Variants in STX8 observed in about 807,000 individuals in gnomAD.
The protein encoded by STX8 is syntaxin 8, also known as syntaxin-8.
STX8 carries 23 observed loss-of-function variants against 37.5 expected under a neutral mutation model. The ratio of observed to expected loss-of-function variants is 0.61; its 90% CI spans 0.44 to 0.87. The LOEUF (loss-of-function observed/expected upper bound fraction) is 0.87, where lower values mean the gene tolerates loss of function less well. STX8 is among the 40% of genes least tolerant of loss of function. STX8 has a pLI of 0.00. For missense variants in STX8, 313 were observed against 284.7 expected, an observed-to-expected ratio of 1.10 and a Z score of -0.71; for synonymous variants, 115 against 99.1, an observed-to-expected ratio of 1.16 and a Z score of -0.95.
intron 6 of STX8, among the ~76,000 whole-genome samples, chr17:9,426,526 T>C (rs969021349): frequency 6.6e-6 from 1 of 151,196 alleles, no homozygotes; most frequent in Non-Finnish European, 1.5e-5. Context: ...AACTCCATCT[T>C]GAAAACAATA....
At position 9,276,568 on chromosome 17, in the gene STX8, A is replaced by G. The variant is rs574578947; in HGVS notation, c.644-25923T>C. On this transcript the variant is annotated intron_variant, in intron 7 of 7. Transcript: ENST00000306357. The stretch of plus-strand genomic sequence containing the variant: ...CTTTTAGGCCACTGTTGAGATATCT[A>G]AGACATCAACAAAATTAGTTTTTTG... 5.9e-5 allele frequency among the ~76,000 whole-genome samples: 9 copies of G among 152,138 alleles called. No homozygotes were observed. The South Asian group carries it at 1.9e-3, about 32-fold the overall frequency.
chr17:9,492,009 G>T (rs1906872654), intron 5 of STX8, 88 bp from the exon 6 acceptor site: 2 of 876,608 alleles, frequency 2.3e-6, no homozygotes, highest in Admixed American at 2.8e-5. Context: ...AACACAAGTT[G>T]ACATATAAAT....
At chr17:9,539,655 C>A (rs931706511) in intron 4 of STX8, among the ~76,000 whole-genome samples, 2 of 141,886 alleles carry the variant, frequency 1.4e-5, no homozygotes, top group Non-Finnish European at 3.1e-5. Flanking sequence ...GACAAAGCAA[C>A]CCAACTGACC....
At chr17:9,421,325 G>T (rs1913418529) in intron 6 of STX8, among the ~76,000 whole-genome samples, 1 of 144,714 alleles carries the variant, frequency 6.9e-6, no homozygotes, top group Non-Finnish European at 1.5e-5. Context: ...CCGCGAGGCA[G>T]AGGTTGCAGT....
chr17:9,367,813 C>G (rs528912419), intron 7 of STX8, among the ~76,000 whole-genome samples: 1 of 152,238 alleles, frequency 6.6e-6, no homozygotes, highest in East Asian at 1.9e-4. Flanking sequence ...TCACTGCAAC[C>G]TCCACCTTCT....
chr17:9,340,173 G>A (rs1490882779), intron 7 of STX8, among the ~76,000 whole-genome samples: 1 of 152,204 alleles, frequency 6.6e-6, no homozygotes, highest in Non-Finnish European at 1.5e-5. Context: ...AACACCTGCC[G>A]AGGCCAGTAA....
chr17:9,468,282 G>T (rs1905704230), intron 6 of STX8, among the ~76,000 whole-genome samples: 1 of 152,008 alleles, frequency 6.6e-6, no homozygotes, highest in Non-Finnish European at 1.5e-5. Flanking sequence ...GCTAATTTTT[G>T]TATTTTTAGT....
chr17:9,265,654 A>G lies in STX8; in HGVS notation c.644-15009T>C, dbSNP rs182935268. 1.2e-4 allele frequency among the ~76,000 whole-genome samples: 19 copies of G among 152,352 alleles called. No individual in the cohort carries two copies. The East Asian group carries it at 3.3e-3, about 26-fold the overall frequency. On this transcript the variant is annotated intron_variant, in intron 7 of 7. Transcript: ENST00000306357. ...TTGGGAAAGCAGAAATAACACTGATATCCTCTGTGTCCTGCATCTCTGTTG... is the reference window on the plus strand; with the variant it reads ...TTGGGAAAGCAGAAATAACACTGATGTCCTCTGTGTCCTGCATCTCTGTTG...
At chr17:9,360,375 C>T (rs748501695) in intron 7 of STX8, among the ~76,000 whole-genome samples, 2 of 151,634 alleles carry the variant, frequency 1.3e-5, no homozygotes, top group Admixed American at 6.6e-5. Flanking sequence ...GCTGGGATTA[C>T]AGTCGTGCAC....
chr17:9,566,463 C>T (rs1277751832), intron 2 of STX8, among the ~76,000 whole-genome samples: 7 of 152,146 alleles, frequency 4.6e-5, no homozygotes, highest in Non-Finnish European at 1.0e-4. Context: ...GGTATATCCC[C>T]GAAGGAATAG....
intron 6 of STX8, among the ~76,000 whole-genome samples, chr17:9,430,399 C>T (rs1913914012): frequency 6.6e-6 from 1 of 150,672 alleles, no homozygotes; most frequent in Admixed American, 6.7e-5. Flanking sequence ...CCCCTAGCCT[C>T]GGTAACCTCT....
Position 9,262,702 on chromosome 17 carries a change from C to T in STX8, c.644-12057G>A, listed in dbSNP as rs138383275. Among the ~76,000 whole-genome samples the T allele has an allele frequency of 2.0e-3, 298 of 152,142 alleles. 1 individual carries two copies. Among genetic ancestry groups the T allele is most frequent in the African/African-American group, 6.9e-3 (285 of 41,506 alleles). ...GTTCAAGCAATTCTCCTGCCTCAGCCTCCCGAGTAGCTGGGACTACAGGTG... is the reference window on the plus strand; with the variant it reads ...GTTCAAGCAATTCTCCTGCCTCAGCTTCCCGAGTAGCTGGGACTACAGGTG... On this transcript the variant is annotated intron_variant, in intron 7 of 7. Transcript: ENST00000306357.
chr17:9,291,619 T>C (rs1205000252), intron 7 of STX8, among the ~76,000 whole-genome samples: 1 of 152,198 alleles, frequency 6.6e-6, no homozygotes, highest in African/African-American at 2.4e-5. Flanking sequence ...CGTTCTCTTC[T>C]ACATGTAAAC....
intron 4 of STX8, among the ~76,000 whole-genome samples, chr17:9,510,329 A>G (rs970391900): frequency 6.6e-6 from 1 of 152,210 alleles, no homozygotes; most frequent in African/African-American, 2.4e-5. Flanking sequence ...TACAGAATAT[A>G]CATTCTTGTC....
intron 6 of STX8, among the ~76,000 whole-genome samples, chr17:9,429,328 AT>A (rs1373194585): frequency 6.8e-6 from 1 of 146,270 alleles, no homozygotes; most frequent in Non-Finnish European, 1.5e-5. Flanking sequence ...TTTATTATAT[AT>A]TTTATATACA....
intron 7 of STX8, among the ~76,000 whole-genome samples, chr17:9,316,904 C>T (rs987334937): frequency 2.6e-5 from 4 of 152,122 alleles, no homozygotes; most frequent in African/African-American, 4.8e-5. Context: ...AATTGGTATC[C>T]GCCAGAGAAC....
chr17:9,473,148 C>G (rs1905949427), intron 6 of STX8, among the ~76,000 whole-genome samples: 2 of 151,810 alleles, frequency 1.3e-5, no homozygotes, highest in African/African-American at 4.8e-5. Flanking sequence ...TCCTGAGTAG[C>G]TGGGACTACA....
chr17:9,320,331 T>G (rs1294063233), intron 7 of STX8, among the ~76,000 whole-genome samples: 21 of 121,912 alleles, frequency 1.7e-4, no homozygotes. Context: ...AGACTCCATC[T>G]CAAAAAAAAA....
rs150951610 is a variant in STX8, at chr17:9,279,030, T to C, written c.644-28385A>G. On this transcript the variant is annotated intron_variant, in intron 7 of 7. Transcript: ENST00000306357. ...ACACTGTAAACTGGTGTTACTATTA[T>C]TGTCATTATTATTCTGTGTGTGTGT... Among the ~76,000 whole-genome samples the C allele has an allele frequency of 1.6e-3, 236 of 151,906 alleles. 2 individuals carry two copies. The highest frequency in any genetic ancestry group is 5.5e-3 in the African/African-American group (227 of 41,424).
Sources: allele counts gnomAD v4.1 joint callset (sites outside exome capture counted in the v4.1 genomes callset), GRCh38; gene constraint gnomAD v4.1.1; transcripts MANE v1.5; gene names NCBI Gene and HGNC (gene_info 2026-07-23, HGNC 2026-07-21).